KALRN: variants seen among roughly 807,000 people sequenced by gnomAD.
KALRN encodes kalirin.
Under a neutral mutation model 353.7 loss-of-function variants are expected in KALRN, and 70 were observed. The ratio of observed to expected loss-of-function variants is 0.20; its 90% CI spans 0.16 to 0.24. The LOEUF (loss-of-function observed/expected upper bound fraction) is 0.24, where lower values mean the gene tolerates loss of function less well. Ranked by LOEUF, KALRN falls within the 10% of genes least tolerant of loss-of-function variation. KALRN has a pLI of 1.00. For synonymous variants in KALRN, 1,391 were observed against 1,434.8 expected, an observed-to-expected ratio of 0.97 and a Z score of 0.69; for missense variants, 2,791 against 3,756.7, an observed-to-expected ratio of 0.74 and a Z score of 6.72.
chr3:124,037,418 G>T (rs141124423), intron 1 of KALRN, among the ~76,000 whole-genome samples: 1 of 152,192 alleles, frequency 6.6e-6, no homozygotes, highest in Non-Finnish European at 1.5e-5. Context: ...GGTTAGTGAG[G>T]AATGGGAAAC....
At chr3:124,366,723 A>G (rs987734789) in intron 10 of KALRN, among the ~76,000 whole-genome samples, 15 of 151,806 alleles carry the variant, frequency 9.9e-5, no homozygotes, top group African/African-American at 3.6e-4. Context: ...TGTTGGGCAC[A>G]CCTCCCAGAC....
chr3:124,362,052 G>T (rs571657578), intron 10 of KALRN, among the ~76,000 whole-genome samples: 1 of 152,254 alleles, frequency 6.6e-6, no homozygotes, highest in East Asian at 1.9e-4. Context: ...TCAGGGTAAT[G>T]GGGGCAAATC....
chr3:124,468,195 A>G (rs1270657541), intron 25 of KALRN, among the ~76,000 whole-genome samples: 2 of 152,252 alleles, frequency 1.3e-5, no homozygotes, highest in African/African-American at 4.8e-5. Context: ...TATATGCTAT[A>G]TATAACAGGG....
chr3:124,349,506 CA>C (rs2082624410), intron 10 of KALRN, among the ~76,000 whole-genome samples: 1 of 151,972 alleles, frequency 6.6e-6, no homozygotes, highest in South Asian at 2.1e-4. Context: ...ATGTGTGGCC[CA>C]AGACTTCTTC....
At chr3:124,050,530 T>C (rs2040924624) in intron 1 of KALRN, among the ~76,000 whole-genome samples, 1 of 152,228 alleles carries the variant, frequency 6.6e-6, no homozygotes, top group East Asian at 1.9e-4. Context: ...CTTAGGGTTC[T>C]CAGGTGCCCT....
intron 13 of KALRN, among the ~76,000 whole-genome samples, chr3:124,400,306 C>T (rs886245318): frequency 1.3e-5 from 2 of 152,020 alleles, no homozygotes; most frequent in Admixed American, 6.6e-5. Flanking sequence ...TCTTTCTATC[C>T]CCTACTCTCT....
At chr3:124,569,455 C>G (rs2073272001) in intron 34 of KALRN, among the ~76,000 whole-genome samples, 1 of 152,208 alleles carries the variant, frequency 6.6e-6, no homozygotes, top group South Asian at 2.1e-4. Flanking sequence ...AAATACCTAA[C>G]ATTTATTGAG....
intron 15 of KALRN, among the ~76,000 whole-genome samples, chr3:124,424,154 C>CG (rs372079474): frequency 1.3e-5 from 2 of 152,048 alleles, no homozygotes; most frequent in Non-Finnish European, 2.9e-5. Context: ...CCACAGGTCC[C>CG]GGGGGGGTTC....
Position 124,637,204 on chromosome 3 carries a change from G to T in KALRN, c.5569-4G>T. Reference sequence around the variant, plus strand: ...CTTTTCCTCTGCTGCCCGATGTCTTGCAGTCCTCCTCTTTGCTAGCAGCCC... The same window carrying T: ...CTTTTCCTCTGCTGCCCGATGTCTTTCAGTCCTCCTCTTTGCTAGCAGCCC... On this transcript the variant is annotated splice_region_variant and splice_polypyrimidine_tract_variant and intron_variant, in intron 36 of 59. Coordinates refer to ENST00000682506, the MANE Select transcript of KALRN (RefSeq NM_001388419.1). 6.2e-7 allele frequency: 1 copy of T among 1,611,606 alleles called. No homozygotes were observed. Among genetic ancestry groups the T allele is most frequent in the Non-Finnish European group, 8.5e-7 (1 of 1,177,706 alleles).
chr3:124,423,662 G>C (rs2092886744), intron 15 of KALRN, among the ~76,000 whole-genome samples: 1 of 152,148 alleles, frequency 6.6e-6, no homozygotes, highest in African/African-American at 2.4e-5. Context: ...AGTCACTTGA[G>C]GCCAGCAGTT....
chr3:124,446,719 A>C, intron 20 of KALRN, 44 bp from the exon 21 acceptor site: 1 of 1,612,462 alleles, frequency 6.2e-7, no homozygotes, highest in East Asian at 2.2e-5. Context: ...TTTCCTACTG[A>C]CAGCTGCCTT....
intron 5 of KALRN, among the ~76,000 whole-genome samples, chr3:124,285,454 T>A (rs2075740974): frequency 1.3e-5 from 2 of 152,238 alleles, no homozygotes; most frequent in South Asian, 4.1e-4. Context: ...ACTTCACCAC[T>A]ATGCAATCTA....
intron 53 of KALRN, among the ~76,000 whole-genome samples, chr3:124,695,829 T>A (rs1485118555): frequency 6.6e-6 from 1 of 152,174 alleles, no homozygotes; most frequent in Non-Finnish European, 1.5e-5. Flanking sequence ...AATAATACTA[T>A]GAGCCAGAAC....
intron 57 of KALRN, among the ~76,000 whole-genome samples, chr3:124,711,767 G>T (rs897272548): frequency 6.6e-6 from 1 of 152,078 alleles, no homozygotes; most frequent in Non-Finnish European, 1.5e-5. Context: ...CATTATATCT[G>T]GATTTGCTTA....
At chr3:124,157,534 T>C (rs1378702464) in intron 1 of KALRN, among the ~76,000 whole-genome samples, 2 of 152,192 alleles carry the variant, frequency 1.3e-5, no homozygotes, top group Non-Finnish European at 2.9e-5. Context: ...TTAATAAAAC[T>C]TTTCCACATC....
At chr3:124,557,984 G>T (rs2071482662) in intron 33 of KALRN, among the ~76,000 whole-genome samples, 1 of 152,136 alleles carries the variant, frequency 6.6e-6, no homozygotes, top group Non-Finnish European at 1.5e-5. Context: ...TTTTGCATAA[G>T]GGATTCCTCG....
chr3:124,452,022 G>A (rs1298516608), intron 21 of KALRN, among the ~76,000 whole-genome samples: 1 of 152,128 alleles, frequency 6.6e-6, no homozygotes, highest in East Asian at 1.9e-4. Context: ...ACAGCTTTTA[G>A]GCCAGGACAC....
intron 10 of KALRN, among the ~76,000 whole-genome samples, chr3:124,367,357 C>T (rs1174717629): frequency 1.4e-4 from 4 of 29,548 alleles, no homozygotes; most frequent in East Asian, 4.0e-3. Context: ...CCAGTAGGGG[C>T]GGCCGGGCAG....
chr3:124,350,790 G>T (rs1162508875), intron 10 of KALRN, among the ~76,000 whole-genome samples: 1 of 152,116 alleles, frequency 6.6e-6, no homozygotes, highest in Non-Finnish European at 1.5e-5. Context: ...CTTCCAAAAG[G>T]CTCATGCTTT....
Sources: gnomAD v4.1 joint callset for allele counts (sites outside exome capture counted in the v4.1 genomes callset) on GRCh38, gnomAD v4.1.1 for gene constraint, MANE v1.5 for transcripts, NCBI Gene and HGNC (gene_info 2026-07-23, HGNC 2026-07-21) for gene names.